LRRC47: variants seen among roughly 807,000 people sequenced by gnomAD.
LRRC47 encodes leucine-rich repeat-containing protein 47.
Under a neutral mutation model 40.9 loss-of-function variants are expected in LRRC47, and 31 were observed. The observed-to-expected ratio is 0.76, with a 90% confidence interval of 0.57 to 1.02. The LOEUF (loss-of-function observed/expected upper bound fraction) is 1.02. Ranked by LOEUF, LRRC47 falls within the 50% of genes least tolerant of loss-of-function variation. LRRC47 has a pLI of 0.00. For synonymous variants in LRRC47, 427 were observed against 371.9 expected (o/e 1.15, Z -1.70); for missense variants, 726 against 796.1 (o/e 0.91, Z 1.06).
intron 1 of LRRC47, among the ~76,000 whole-genome samples, chr1:3,789,322 G>A (rs1165633062): frequency 6.6e-6 from 1 of 152,284 alleles, no homozygotes; most frequent in Admixed American, 6.5e-5. Context: ...GGGGGCACAG[G>A]CATCTGAGGT....
At chr1:3,784,507 G>A (rs954278808) in intron 3 of LRRC47, among the ~76,000 whole-genome samples, 1 of 152,258 alleles carries the variant, frequency 6.6e-6, no homozygotes, top group East Asian at 1.9e-4. Flanking sequence ...CCAACCCCAC[G>A]CAAACGGTTT....
rs553603502 is a variant in LRRC47, at chr1:3,792,808, T to C, written c.615+3054A>G. Among the ~76,000 whole-genome samples, 6 of 152,316 alleles carry C rather than the reference T, an allele frequency of 3.9e-5. No individual in the cohort carries two copies. In the South Asian group the frequency reaches 8.3e-4, roughly 21 times the overall value. Reference sequence around the variant, plus strand: ...ACATCTATGAATTTGAAGAGAAATATTGCAACTGACTGGACACTTACATGA... The same window carrying C: ...ACATCTATGAATTTGAAGAGAAATACTGCAACTGACTGGACACTTACATGA... On this transcript the variant is annotated intron_variant, in intron 1 of 6. Transcript: ENST00000378251.
chr1:3,781,731 G>C, intron 5 of LRRC47, 130 bp from the exon 6 acceptor site: 1 of 741,286 alleles, frequency 1.3e-6, no homozygotes, highest in South Asian at 1.7e-5. Flanking sequence ...TGTAAATCCA[G>C]CACTTTGGGA....
In LRRC47 at chr1:3,796,156, C is replaced by T; in HGVS notation, c.321G>A (p.Ser107=). The T allele has an allele frequency of 1.4e-6, 2 of 1,439,540 alleles. No individual in the cohort carries two copies. The highest frequency in any genetic ancestry group is 1.8e-6 in the Non-Finnish European group (2 of 1,103,340). 89.2% of individuals were successfully genotyped at this position (1,439,540 alleles called of 1,614,324 possible). The change falls in exon 1 of 7, where the codon TCG becomes TCA. Residue 107 remains serine (S), a synonymous_variant. Transcript: ENST00000378251. ...GCGGCAGCGCCTCCAGCGCGTTGCC[C>T]GACAGGTCGAGCACCCGAAGGGCAG... is the stretch of plus-strand genomic sequence containing the variant. ...PLPALRVLDL[S]GNALEALPPG...
intron 1 of LRRC47, among the ~76,000 whole-genome samples, chr1:3,789,233 G>A (rs549522876): frequency 4.5e-4 from 68 of 152,380 alleles, no homozygotes; most frequent in South Asian, 3.7e-3. Context: ...TGGCTCCAGC[G>A]TTAGAACCAG....
Position 3,782,781 on chromosome 1 carries a change from C to G in LRRC47, c.1311-18G>C. ...GAAGGTATCTGTATGGGAAGAAATA[C>G]AAATTCCAGGCATAATTATAAAAGA... On this transcript the variant is annotated intron_variant, in intron 4 of 6. Coordinates refer to ENST00000378251, the MANE Select transcript of LRRC47 (RefSeq NM_020710.3). The G allele has an allele frequency of 7.1e-7, 1 of 1,399,264 alleles. No homozygotes were observed. Among genetic ancestry groups the G allele is most frequent in the Non-Finnish European group, 1.0e-6 (1 of 983,890 alleles). The allele number at this position is 1,399,264 out of a possible 1,614,324, so 86.7% of individuals were successfully genotyped here.
chr1:3,786,917 C>T lies in LRRC47; in HGVS notation c.1009G>A (p.Val337Met). Residue 337 changes from valine (V) to methionine (M), a missense_variant, in exon 2 of 7, where the codon GTG becomes ATG. Coordinates refer to ENST00000378251, the MANE Select transcript of LRRC47 (RefSeq NM_020710.3). ...TCCATGCCTCGCACCACGGCCCCCACAATGTAGGGCCGCACATCCCGGACC... is the reference window on the plus strand; with the variant it reads ...TCCATGCCTCGCACCACGGCCCCCATAATGTAGGGCCGCACATCCCGGACC... Reference protein sequence around the residue: ...PEVRDVRPYIVGAVVRGMDLQ... With the variant: ...PEVRDVRPYIMGAVVRGMDLQ... The T allele has an allele frequency of 6.2e-7, 1 of 1,607,458 alleles. No homozygotes were observed. Among genetic ancestry groups the T allele is most frequent in the Non-Finnish European group, 8.5e-7 (1 of 1,177,210 alleles).
At chr1:3,787,584 T>C (rs1643588371) in intron 1 of LRRC47, among the ~76,000 whole-genome samples, 1 of 152,212 alleles carries the variant, frequency 6.6e-6, no homozygotes, top group Non-Finnish European at 1.5e-5. Flanking sequence ...GACTCAAACA[T>C]GTCACCCTCT....
chr1:3,783,387 T>C (rs1420574846), intron 4 of LRRC47, among the ~76,000 whole-genome samples: 1 of 131,088 alleles, frequency 7.6e-6, no homozygotes, highest in Non-Finnish European at 1.5e-5. Context: ...GCCATTGCAC[T>C]CCAGCCTGGG....
rs115630998 is a variant in LRRC47 at position 3,782,751 on chromosome 1, C to T, written c.1323G>A (p.Leu441=). The change falls in exon 5 of 7, where the codon TTG becomes TTA. Residue 441 remains leucine (L), a synonymous_variant. Transcript: ENST00000378251. ...ACGGGTAATTTTCATTTCCATCCAG[C>T]AAGTGAAGGTATCTGTATGGGAAGA... The part of the protein sequence containing the change: ...SVSGLHRYLH[L]LDGNENYPCL... 1.3e-6 allele frequency: 2 copies of T among 1,597,778 alleles called. No homozygotes were observed. Among genetic ancestry groups the T allele is most frequent in the African/African-American group, 1.3e-5 (1 of 74,690 alleles).
rs1266168951 is a variant in LRRC47 at position 3,780,407 on chromosome 1, C to T, written c.*681G>A. The T allele has an allele frequency of 6.6e-6, 1 of 152,110 alleles. No homozygotes were observed. The highest frequency in any genetic ancestry group is 6.6e-5 in the Admixed American group (1 of 15,256). 9.4% of individuals were successfully genotyped at this position (152,110 alleles called of 1,614,324 possible). Reference sequence around the variant, plus strand: ...GTCAGGTAAGTGTCCGTCACTGACCCAGACGCTGTTACGTGGCACATGACT... The same window carrying T: ...GTCAGGTAAGTGTCCGTCACTGACCTAGACGCTGTTACGTGGCACATGACT... On this transcript the variant is annotated 3_prime_UTR_variant, in exon 7 of 7. Coordinates refer to ENST00000378251, the MANE Select transcript of LRRC47 (RefSeq NM_020710.3).
rs376822471 is a variant in LRRC47 at position 3,783,969 on chromosome 1, C to T, written c.1310+27G>A. 774 of 1,577,106 alleles carry T rather than the reference C, an allele frequency of 4.9e-4. 2 individuals are homozygous for T. In the African/African-American group the frequency reaches 9.4e-3, roughly 19 times the overall value. ...GCATGCGGCACTCCCCCGGGCCCGGCCCCACCCCACCAGGCACGCTGCCCA... is the reference window on the plus strand; with the variant it reads ...GCATGCGGCACTCCCCCGGGCCCGGTCCCACCCCACCAGGCACGCTGCCCA... On this transcript the variant is annotated intron_variant, in intron 4 of 6. Coordinates refer to ENST00000378251, the MANE Select transcript of LRRC47 (RefSeq NM_020710.3).
At position 3,781,273 on chromosome 1, in the gene LRRC47, C is replaced by T; in HGVS notation, c.1567G>A (p.Glu523Lys). Residue 523 changes from glutamate to lysine, a missense_variant, in exon 7 of 7, where the codon GAA (glutamate) becomes AAA (lysine). Coordinates refer to ENST00000378251, the MANE Select transcript of LRRC47 (RefSeq NM_020710.3). The part of the protein sequence containing the change: ...NKEEGSLSDT[E>K]ADAVSGQLPD... ...AGTTGTCCAGAGACTGCATCGGCTT[C>T]AGTATCTGAGAGTGATCCTTCCTCT... 1 of 1,614,184 alleles carries T rather than the reference C, an allele frequency of 6.2e-7. No individual in the cohort carries two copies. The highest frequency in any genetic ancestry group is 1.1e-5 in the South Asian group (1 of 91,084).
At chr1:3,781,636 T>C in intron 5 of LRRC47, 35 bp from the exon 6 acceptor site, 1 of 1,543,880 alleles carries the variant, frequency 6.5e-7, no homozygotes, top group Admixed American at 1.7e-5. Context: ...AAAGAACAGT[T>C]ATCAAATGTA....
chr1:3,780,805 G>A lies in LRRC47; in HGVS notation c.*283C>T, dbSNP rs1173026154. The A allele has an allele frequency of 2.8e-5, 11 of 388,738 alleles. No homozygotes were observed. The highest frequency in any genetic ancestry group is 1.9e-4 in the African/African-American group (9 of 48,362). The allele number at this position is 388,738 out of a possible 1,614,324, so 24.1% of individuals were successfully genotyped here. On this transcript the variant is annotated 3_prime_UTR_variant, in exon 7 of 7. Coordinates refer to ENST00000378251, the MANE Select transcript of LRRC47 (RefSeq NM_020710.3). ...ATCCTGGTCAAAATGGTGAAACCCCGTCTCTACTAAAAATACAAAAATTAG... is the reference window on the plus strand; with the variant it reads ...ATCCTGGTCAAAATGGTGAAACCCCATCTCTACTAAAAATACAAAAATTAG...
intron 4 of LRRC47, among the ~76,000 whole-genome samples, chr1:3,783,558 C>A (rs1643542214): frequency 6.6e-6 from 1 of 152,152 alleles, no homozygotes; most frequent in South Asian, 2.1e-4. Flanking sequence ...TATTCTGAAG[C>A]CTGTGTTTAC....
chr1:3,781,454 G>C, intron 6 of LRRC47, 58 bp downstream of exon 6: 2 of 1,582,250 alleles, frequency 1.3e-6, no homozygotes, highest in South Asian at 1.1e-5. Context: ...GGAAGTCAAG[G>C]AGCAGAGCAC....
chr1:3,796,472 G>C lies in LRRC47; in HGVS notation c.5C>G (p.Ala2Gly). 6.6e-7 allele frequency: 1 copy of C among 1,506,554 alleles called. No homozygotes were observed. Among genetic ancestry groups the C allele is most frequent in the Non-Finnish European group, 8.8e-7 (1 of 1,136,294 alleles). 93.3% of individuals were successfully genotyped at this position (1,506,554 alleles called of 1,614,324 possible). A position where few individuals can be genotyped will look rare whatever the true frequency, so the allele number is the denominator to read the frequency against. The change falls in exon 1 of 7, where the codon GCG becomes GGG. Residue 2 changes from alanine to glycine, a missense_variant. Transcript: ENST00000378251. ...CCAAGACTCTGACACCGCTGCCGCC[G>C]CCATGGCGCCTCAGCTGCTGGCAGG... M[A>G]AAAVSESWPE...
At chr1:3,795,562 G>C (rs549266503) in intron 1 of LRRC47, among the ~76,000 whole-genome samples, 1 of 152,240 alleles carries the variant, frequency 6.6e-6, no homozygotes, top group Non-Finnish European at 1.5e-5. Flanking sequence ...TACAGGAGAA[G>C]CCAGGTTTGC....
Sources: allele counts gnomAD v4.1 joint callset (sites outside exome capture counted in the v4.1 genomes callset), GRCh38; gene constraint gnomAD v4.1.1; transcripts MANE v1.5; gene names NCBI Gene and HGNC (gene_info 2026-07-23, HGNC 2026-07-21).